The following PCNX2 variants were observed in gnomAD, a reference collection of about 807,000 sequenced individuals.
The protein encoded by PCNX2 is pecanex 2, also known as pecanex-like protein 2.
In PCNX2, 168 loss-of-function variants were observed where a neutral mutation model predicts 223.8. That is an observed-to-expected ratio of 0.75 (90% CI 0.66 to 0.85). The LOEUF is 0.85. Ranked by LOEUF, PCNX2 falls within the 40% of genes least tolerant of loss-of-function variation. PCNX2 has a pLI of 0.00. For missense variants in PCNX2, 2,507 were observed against 2,675.5 expected (o/e 0.94, Z 1.39); for synonymous variants, 1,006 against 1,052.6 (o/e 0.96, Z 0.86).
chr1:233,185,447 T>C (rs1680042600), intron 15 of PCNX2, among the ~76,000 whole-genome samples: 1 of 152,124 alleles, frequency 6.6e-6, no homozygotes, highest in Admixed American at 6.6e-5. Flanking sequence ...GTGAAAAATA[T>C]GTAGACATCT....
chr1:233,074,071 G>T (rs1672976207), intron 23 of PCNX2, among the ~76,000 whole-genome samples: 1 of 151,390 alleles, frequency 6.6e-6, no homozygotes, highest in Admixed American at 6.6e-5. Flanking sequence ...TAGAACCATT[G>T]GTTGTGTGTT....
chr1:233,163,819 A>C (rs116597379), intron 17 of PCNX2, among the ~76,000 whole-genome samples: 1 of 151,892 alleles, frequency 6.6e-6, no homozygotes. Context: ...GGCTTCTTTC[A>C]CTCAGTGTAC....
chr1:233,003,175 A>G (rs1670152436), intron 28 of PCNX2, among the ~76,000 whole-genome samples: 2 of 152,226 alleles, frequency 1.3e-5, no homozygotes, highest in African/African-American at 4.8e-5. Flanking sequence ...TAAACCAAAG[A>G]GCTTCTGCAC....
At chr1:233,003,074 C>T (rs902722076) in intron 28 of PCNX2, among the ~76,000 whole-genome samples, 1 of 152,164 alleles carries the variant, frequency 6.6e-6, no homozygotes, top group Non-Finnish European at 1.5e-5. Flanking sequence ...CTAGGCAATA[C>T]CATTCAGGAC....
In PCNX2 at chr1:233,233,424, C is replaced by CTGTGTGTGTG. The variant is rs57458756; in HGVS notation, c.2358+3411_2358+3420dup. Among the ~76,000 whole-genome samples, 218 of 140,338 alleles carry CTGTGTGTGTG rather than the reference C, an allele frequency of 1.6e-3. 1 individual carries two copies. Among genetic ancestry groups the CTGTGTGTGTG allele is most frequent in the African/African-American group, 3.6e-3 (135 of 37,320 alleles). 92.1% of individuals were successfully genotyped at this position (140,338 alleles called of 152,430 possible). On this transcript the variant is annotated intron_variant, in intron 9 of 33. Transcript: ENST00000258229. Reference sequence around the variant, plus strand: ...CAATGAAAAATAACCTCCTCTTCTCCTGTGTGTGTGTGTGTGTGTGTGTGT... The same window carrying CTGTGTGTGTG: ...CAATGAAAAATAACCTCCTCTTCTCCTGTGTGTGTGTGTGTGTGTGTGTGTGTGTGTGTGT...
intron 1 of PCNX2, among the ~76,000 whole-genome samples, chr1:233,279,580 A>G (rs1661085815): frequency 6.6e-6 from 1 of 152,000 alleles, no homozygotes; most frequent in African/African-American, 2.4e-5. Context: ...CCACCACCCT[A>G]GGCTGATATT....
chr1:233,017,548 C>T (rs1341168972), intron 26 of PCNX2, among the ~76,000 whole-genome samples: 3 of 152,048 alleles, frequency 2.0e-5, no homozygotes, highest in Non-Finnish European at 4.4e-5. Flanking sequence ...GATCTCCTGA[C>T]CTCGTGATCC....
At chr1:233,066,051 G>T (rs752853175) in intron 23 of PCNX2, among the ~76,000 whole-genome samples, 7 of 152,154 alleles carry the variant, frequency 4.6e-5, no homozygotes, top group Non-Finnish European at 8.8e-5. Context: ...TAAAAACCCT[G>T]GACTCAGCCA....
In PCNX2 at chr1:233,160,266, A is replaced by G. The variant is rs780141682; in HGVS notation, c.3517+17T>C. ...CCCTCCTTTTTTTTTTTTTTAAATG[A>G]GGGATATATTACTAACCTCTCACTT... On this transcript the variant is annotated intron_variant, in intron 19 of 33. Transcript: ENST00000258229. The G allele has an allele frequency of 7.5e-5, 114 of 1,520,788 alleles. No individual in the cohort carries two copies. The highest frequency in any genetic ancestry group is 1.8e-5 in the Non-Finnish European group (20 of 1,116,678). The allele number at this position is 1,520,788 out of a possible 1,614,324, so 94.2% of individuals were successfully genotyped here.
At position 233,272,309 on chromosome 1, in the gene PCNX2, G is replaced by A. The variant is rs1301668645; in HGVS notation, c.154-9146C>T. ...CAATTAGCAAGAAAAAAAAAAAAACGATCCCATCAAAAAATGGGCTAAGAA... is the reference window on the plus strand; with the variant it reads ...CAATTAGCAAGAAAAAAAAAAAAACAATCCCATCAAAAAATGGGCTAAGAA... On this transcript the variant is annotated intron_variant, in intron 1 of 33. Coordinates refer to ENST00000258229, the MANE Select transcript of PCNX2 (RefSeq NM_014801.4). Among the ~76,000 whole-genome samples, 21 of 141,848 alleles carry A rather than the reference G, an allele frequency of 1.5e-4. 1 individual carries two copies. Among genetic ancestry groups the A allele is most frequent in the South Asian group, 4.6e-4 (2 of 4,320 alleles). 93.1% of individuals were successfully genotyped at this position (141,848 alleles called of 152,430 possible). A position where few individuals can be genotyped will look rare whatever the true frequency, so the allele number is the denominator to read the frequency against.
chr1:233,109,331 A>G (rs1269379186), intron 21 of PCNX2, among the ~76,000 whole-genome samples: 1 of 152,250 alleles, frequency 6.6e-6, no homozygotes, highest in Non-Finnish European at 1.5e-5. Context: ...ATAAAGCCGT[A>G]ATCAAAGTAA....
At chr1:232,987,632 C>G (rs564138024) in intron 32 of PCNX2, among the ~76,000 whole-genome samples, 113 of 152,300 alleles carry the variant, frequency 7.4e-4, no homozygotes, top group Admixed American at 1.3e-3. Flanking sequence ...GCCCATTATT[C>G]ATTATGCATC....
At chr1:233,152,972 G>C (rs1677908515) in intron 19 of PCNX2, among the ~76,000 whole-genome samples, 1 of 152,196 alleles carries the variant, frequency 6.6e-6, no homozygotes, top group South Asian at 2.1e-4. Context: ...ACAGAACCAG[G>C]GTTTGAGCCC....
At chr1:233,074,152 G>C (rs1440348642) in intron 23 of PCNX2, among the ~76,000 whole-genome samples, 1 of 152,044 alleles carries the variant, frequency 6.6e-6, no homozygotes, top group East Asian at 1.9e-4. Flanking sequence ...TTCTATTGTG[G>C]CCGGAGAACA....
intron 23 of PCNX2, among the ~76,000 whole-genome samples, chr1:233,070,793 T>C (rs1405444087): frequency 6.6e-6 from 1 of 152,084 alleles, no homozygotes; most frequent in Non-Finnish European, 1.5e-5. Flanking sequence ...TCCCAGCACT[T>C]TGGGAGGCCG....
In PCNX2 at chr1:233,099,653, G is replaced by A. The variant is rs1284962590; in HGVS notation, c.3838-3790C>T. On this transcript the variant is annotated intron_variant, in intron 21 of 33. Coordinates refer to ENST00000258229, the MANE Select transcript of PCNX2 (RefSeq NM_014801.4). ...TTTACACTTTCCCCTTCTCTTTAAG[G>A]GTAAAATCAGGTAAAATAATTTAAA... is the stretch of plus-strand genomic sequence containing the variant. Among the ~76,000 whole-genome samples the A allele has an allele frequency of 3.3e-5, 5 of 151,926 alleles. No individual in the cohort carries two copies. The East Asian group carries it at 9.6e-4, about 29-fold the overall frequency.
rs1374107633 is a variant in PCNX2 at position 232,990,241 on chromosome 1, C to G, written c.5792-3701G>C. Among the ~76,000 whole-genome samples, 1 of 152,210 alleles carries G rather than the reference C, an allele frequency of 6.6e-6. No individual in the cohort carries two copies. Among genetic ancestry groups the G allele is most frequent in the East Asian group, 1.9e-4 (1 of 5,186 alleles). On this transcript the variant is annotated intron_variant, in intron 32 of 33. Coordinates refer to ENST00000258229, the MANE Select transcript of PCNX2 (RefSeq NM_014801.4). This position sits in a 1 kb window ranked among gnomAD's most constrained non-coding sequence, Gnocchi z 4.3. The stretch of plus-strand genomic sequence containing the variant: ...CGGGCAGGGCCAGGCAGAGCCGCCC[C>G]TCCCGTTGTGGTAGCCTCCTTCTTG...
chr1:233,174,185 T>A (rs1363625490), intron 17 of PCNX2, among the ~76,000 whole-genome samples: 1 of 110,386 alleles, frequency 9.1e-6, no homozygotes, highest in East Asian at 2.6e-4. Context: ...ATAATAAATA[T>A]GTATTTAATT....
chr1:233,284,506 C>T (rs560767425), intron 1 of PCNX2, among the ~76,000 whole-genome samples: 1 of 152,142 alleles, frequency 6.6e-6, no homozygotes, highest in Admixed American at 6.5e-5. Flanking sequence ...AGTACTAATG[C>T]CAAGATTCCA....
Sources: allele counts gnomAD v4.1 joint callset (sites outside exome capture counted in the v4.1 genomes callset), GRCh38; gene constraint gnomAD v4.1.1; non-coding constraint Gnocchi (gnomAD v3.1); transcripts MANE v1.5; gene names NCBI Gene and HGNC (gene_info 2026-07-23, HGNC 2026-07-21).